The following CDKL5 variants were observed in gnomAD, a reference collection of about 807,000 sequenced individuals.
The protein encoded by CDKL5 is cyclin dependent kinase like 5.
In CDKL5, 8 loss-of-function variants were observed where a neutral mutation model predicts 61.7. The observed-to-expected ratio is 0.13, with a 90% CI of 0.08 to 0.23. The LOEUF (loss-of-function observed/expected upper bound fraction) is 0.23, where lower values mean the gene tolerates loss of function less well. Among genes scored for constraint, CDKL5 ranks in the 10% least tolerant of loss-of-function variants. CDKL5 has a pLI of 1.00. For synonymous variants in CDKL5, 275 were observed against 272.3 expected, an observed-to-expected ratio of 1.01 and a Z score of -0.10; for missense variants, 440 against 734.5, an observed-to-expected ratio of 0.60 and a Z score of 4.63.
At chrX:18,587,461 G>A (rs1925677377) in intron 8 of CDKL5, among the ~76,000 whole-genome samples, 1 of 111,737 alleles carries the variant, frequency 8.9e-6, no homozygotes, top group Non-Finnish European at 1.9e-5. Context: ...GATGCTGAGC[G>A]ATGGAAGGTT....
intron 1 of CDKL5, among the ~76,000 whole-genome samples, chrX:18,440,288 A>G (rs1281033442): frequency 8.9e-6 from 1 of 112,045 alleles, no homozygotes; most frequent in Admixed American, 9.6e-5. Flanking sequence ...CATCTTTACC[A>G]GTAGATTTCA....
At chrX:18,509,005 A>T (rs990693449) in intron 2 of CDKL5, among the ~76,000 whole-genome samples, 1 of 108,637 alleles carries the variant, frequency 9.2e-6, no homozygotes, top group Non-Finnish European at 1.9e-5. Context: ...AGGCAGGAGA[A>T]TCGCTTGAAC....
At chrX:18,650,977 G>A (rs1357777379) in intron 21 of CDKL5, among the ~76,000 whole-genome samples, 1 of 112,070 alleles carries the variant, frequency 8.9e-6, no homozygotes, top group Non-Finnish European at 1.9e-5. Context: ...AAAGCAGCAG[G>A]TGCATGACAT....
chrX:18,459,698 CTTT>C (rs756249968), intron 1 of CDKL5, among the ~76,000 whole-genome samples: 1 of 53,569 alleles, frequency 1.9e-5, no homozygotes, highest in African/African-American at 7.7e-5. Flanking sequence ...AGCTTTCTTT[CTTT>C]TTTTTTTTTT....
rs188106932 is a variant in CDKL5, at chrX:18,648,532, C to T, written c.2798-1878C>T. On this transcript the variant is annotated intron_variant, in intron 20 of 21. Coordinates refer to the CDKL5 transcript ENST00000379989. ...ACTAGGGATTACAGGTGTGAGCCAT[C>T]ACACCCAGCCTCCCCTTCTTTTTGA... Among the ~76,000 whole-genome samples the T allele has an allele frequency of 3.7e-3, 416 of 111,333 alleles. 2 individuals are homozygous for T. The Middle Eastern group carries it at 0.051, about 14-fold the overall frequency.
rs1261820916 is a variant in CDKL5, at chrX:18,634,347, T to C, written c.*5590T>C. The C allele has an allele frequency of 8.0e-6, 6 of 751,910 alleles. No individual in the cohort carries two copies. The highest frequency in any genetic ancestry group is 1.5e-4 in the East Asian group (1 of 6,597). The allele number at this position is 751,910 out of a possible 1,213,427, so 62.0% of individuals were successfully genotyped here. A position where few individuals can be genotyped will look rare whatever the true frequency, so the allele number is the denominator to read the frequency against. Reference sequence around the variant, plus strand: ...AGACAAGCTTGTCCTAGTGCTCTGCTTCAGGTCTTATCAGAAGAAACCCAG... The same window carrying C: ...AGACAAGCTTGTCCTAGTGCTCTGCCTCAGGTCTTATCAGAAGAAACCCAG... On this transcript the variant is annotated 3_prime_UTR_variant, in exon 18 of 18. Coordinates refer to ENST00000623535, the MANE Select transcript of CDKL5 (RefSeq NM_001323289.2).
intron 14 of CDKL5, among the ~76,000 whole-genome samples, chrX:18,611,761 G>C (rs1435483685): frequency 8.9e-6 from 1 of 111,847 alleles, no homozygotes; most frequent in Non-Finnish European, 1.9e-5. Context: ...TGAGAGCTTG[G>C]CAGGTGGAAT....
intron 3 of CDKL5, among the ~76,000 whole-genome samples, chrX:18,553,976 G>T (rs1232584538): frequency 9.0e-6 from 1 of 110,746 alleles, no homozygotes; most frequent in Non-Finnish European, 1.9e-5. Context: ...ATTTTGAGCA[G>T]GTTAGAGTTT....
chrX:18,648,246 C>CTT (rs373474294), intron 20 of CDKL5, among the ~76,000 whole-genome samples: 1 of 106,227 alleles, frequency 9.4e-6, no homozygotes, highest in Non-Finnish European at 2.0e-5. Context: ...CCTTCTTCTC[C>CTT]TTTTTTTTTT....
chrX:18,445,566 C>T (rs1391494317), intron 1 of CDKL5, among the ~76,000 whole-genome samples: 2 of 111,850 alleles, frequency 1.8e-5, no homozygotes, highest in Admixed American at 9.5e-5. Flanking sequence ...AATCTGATCT[C>T]GAATTGTAAT....
chrX:18,523,167 C>T (rs1329826118), intron 3 of CDKL5, among the ~76,000 whole-genome samples: 1 of 110,936 alleles, frequency 9.0e-6, no homozygotes, highest in Non-Finnish European at 1.9e-5. Flanking sequence ...TTTCTAAGGC[C>T]GCAGTTTGAC....
At chrX:18,605,470 A>G (rs1338525760) in intron 12 of CDKL5, among the ~76,000 whole-genome samples, 2 of 111,613 alleles carry the variant, frequency 1.8e-5, no homozygotes, top group African/African-American at 6.5e-5. Context: ...TCTAGAACTG[A>G]CCTAACCTGC....
chrX:18,571,695 G>T (rs911421171), intron 4 of CDKL5, among the ~76,000 whole-genome samples: 1 of 111,399 alleles, frequency 9.0e-6, no homozygotes, highest in Non-Finnish European at 1.9e-5. Flanking sequence ...ATCATAAAGT[G>T]CAGGGCAGGC....
chrX:18,441,611 T>C (rs1931746346), intron 1 of CDKL5, among the ~76,000 whole-genome samples: 2 of 111,148 alleles, frequency 1.8e-5, no homozygotes, highest in Non-Finnish European at 3.8e-5. Flanking sequence ...CACTGTTACA[T>C]TGGGCTGGAT....
chrX:18,440,469 T>TTG (rs1274224445), intron 1 of CDKL5, among the ~76,000 whole-genome samples: 1 of 111,479 alleles, frequency 9.0e-6, no homozygotes, highest in Non-Finnish European at 1.9e-5. Context: ...TATCATTTTT[T>TTG]TGTGTGTGTT....
intron 3 of CDKL5, among the ~76,000 whole-genome samples, chrX:18,532,047 A>C (rs1372755443): frequency 1.8e-5 from 2 of 112,076 alleles, no homozygotes; most frequent in Non-Finnish European, 3.8e-5. Context: ...ATGGTATCCA[A>C]GCACTGTATG....
At chrX:18,454,917 A>G (rs1246922221) in intron 1 of CDKL5, among the ~76,000 whole-genome samples, 3 of 81,359 alleles carry the variant, frequency 3.7e-5, no homozygotes, top group African/African-American at 1.5e-4. Context: ...TTTTGAGACC[A>G]TGTCTCACTC....
intron 3 of CDKL5, among the ~76,000 whole-genome samples, chrX:18,563,915 ATTTC>A (rs1569210433): frequency 2.7e-5 from 3 of 111,907 alleles, no homozygotes; most frequent in Admixed American, 1.9e-4. Flanking sequence ...GAATTCTGTT[ATTTC>A]TTCTGTTCAG....
intron 3 of CDKL5, 66 bp from the exon 4 acceptor site, chrX:18,564,411 C>A: frequency 2.7e-6 from 2 of 742,046 alleles, no homozygotes; most frequent in South Asian, 2.2e-5. Flanking sequence ...TACCCCCAGG[C>A]AACTGGAATC....
Sources: gnomAD v4.1 joint callset for allele counts (sites outside exome capture counted in the v4.1 genomes callset) on GRCh38, gnomAD v4.1.1 for gene constraint, MANE v1.5 for transcripts, NCBI Gene and HGNC (gene_info 2026-07-23, HGNC 2026-07-21) for gene names.